PRDM5: variants seen among roughly 807,000 people sequenced by gnomAD.
PRDM5 encodes PR domain zinc finger protein 5.
Under a neutral mutation model 81.2 loss-of-function variants are expected in PRDM5, and 56 were observed. The ratio of observed to expected loss-of-function variants is 0.69; its 90% CI spans 0.56 to 0.86. PRDM5 has a LOEUF of 0.86. PRDM5 is among the 40% of genes least tolerant of loss of function. The pLI is 0.00. For missense variants in PRDM5, 697 were observed against 770.1 expected, an observed-to-expected ratio of 0.91 and a Z score of 1.12; for synonymous variants, 267 against 256.4, an observed-to-expected ratio of 1.04 and a Z score of -0.39.
rs1761592575 is a variant in PRDM5 at position 120,869,877 on chromosome 4, TACTC to T, written c.178-16341_178-16338del. On this transcript the variant is annotated intron_variant, in intron 2 of 15. Coordinates refer to ENST00000264808, the MANE Select transcript of PRDM5 (RefSeq NM_018699.4). ...CTCATGCATCTGAGATCTTGTGAAATACTCAGCCTCAATTAACCCATGCATGAAC... is the reference window on the plus strand; with the variant it reads ...CTCATGCATCTGAGATCTTGTGAAATAGCCTCAATTAACCCATGCATGAAC... 3.3e-5 allele frequency among the ~76,000 whole-genome samples: 5 copies of T among 152,198 alleles called. No homozygotes were observed. In the South Asian group the frequency reaches 1.0e-3, roughly 32 times the overall value.
intron 2 of PRDM5, among the ~76,000 whole-genome samples, chr4:120,900,861 C>A (rs1361837720): frequency 6.6e-6 from 1 of 152,066 alleles, no homozygotes; most frequent in Admixed American, 6.6e-5. Context: ...AGGTAATGCC[C>A]ATACACAATA....
chr4:120,866,018 T>C (rs1761167145), intron 2 of PRDM5, among the ~76,000 whole-genome samples: 1 of 152,230 alleles, frequency 6.6e-6, no homozygotes, highest in African/African-American at 2.4e-5. Flanking sequence ...TCTTTTTCTA[T>C]ATCAACTCAA....
intron 2 of PRDM5, among the ~76,000 whole-genome samples, chr4:120,900,854 T>A (rs1579176961): frequency 6.6e-6 from 1 of 152,244 alleles, no homozygotes; most frequent in East Asian, 1.9e-4. Context: ...ACACAACAGG[T>A]AATGCCCATA....
At chr4:120,743,093 C>A (rs978475675) in intron 14 of PRDM5, among the ~76,000 whole-genome samples, 2 of 151,888 alleles carry the variant, frequency 1.3e-5, no homozygotes, top group African/African-American at 4.9e-5. Context: ...GGCAGAAACC[C>A]TACAAGCCAG....
intron 14 of PRDM5, among the ~76,000 whole-genome samples, chr4:120,720,582 TCTGAAAGTG>T (rs1249193344): frequency 1.3e-5 from 2 of 152,176 alleles, no homozygotes; most frequent in Non-Finnish European, 2.9e-5. Context: ...TGGGCCCCTT[TCTGAAAGTG>T]CATGTGCCAC....
chr4:120,766,883 A>G (rs1250620856), intron 13 of PRDM5, among the ~76,000 whole-genome samples: 3 of 152,238 alleles, frequency 2.0e-5, no homozygotes, highest in Non-Finnish European at 1.5e-5. Flanking sequence ...TTCTCATTCT[A>G]ATTACCAAAC....
At position 120,785,090 on chromosome 4, in the gene PRDM5, G is replaced by C. The variant is rs763221182; in HGVS notation, c.1190C>G (p.Thr397Ser). ...HRNVYKNHKK[T>S]HSEERPFQCE... ...TTGGAACGGTCTCTCCTCAGAGTGGGTCTGCAGAGGAAAAACACTGAGTCA... is the reference window on the plus strand; with the variant it reads ...TTGGAACGGTCTCTCCTCAGAGTGGCTCTGCAGAGGAAAAACACTGAGTCA... Residue 397 changes from threonine to serine, a missense_variant and splice_region_variant, in exon 11 of 16, where the codon ACC becomes AGC. Thr to Ser is a moderately conservative substitution (Grantham distance 58, BLOSUM62 1). Around this residue, in one of 3 missense-constraint regions of PRDM5, gnomAD observed 577 missense variants for 606.7 expected, o/e 0.95. Coordinates refer to ENST00000264808, the MANE Select transcript of PRDM5 (RefSeq NM_018699.4). 6.2e-6 allele frequency: 10 copies of C among 1,604,670 alleles called. No individual in the cohort carries two copies. The highest frequency in any genetic ancestry group is 2.2e-5 in the East Asian group (1 of 44,800).
At chr4:120,877,207 T>C (rs1169406471) in intron 2 of PRDM5, among the ~76,000 whole-genome samples, 5 of 152,206 alleles carry the variant, frequency 3.3e-5, no homozygotes, top group Non-Finnish European at 7.3e-5. Context: ...GCTATATTTT[T>C]ACGGCCTTGA....
At chr4:120,777,379 T>C (rs1407388568) in intron 12 of PRDM5, 98 bp from the exon 13 acceptor site, 1 of 1,551,078 alleles carries the variant, frequency 6.4e-7, no homozygotes, top group African/African-American at 1.4e-5. Flanking sequence ...TTTTGTAGGA[T>C]TACATTTCAT....
intron 11 of PRDM5, 106 bp downstream of exon 11, chr4:120,784,892 A>G (rs992076772): frequency 1.6e-5 from 14 of 900,914 alleles, no homozygotes; most frequent in South Asian, 8.6e-5. Flanking sequence ...GTCAGATTAT[A>G]TAAATACTTA....
At chr4:120,757,652 T>C (rs1744951707) in intron 13 of PRDM5, among the ~76,000 whole-genome samples, 1 of 152,174 alleles carries the variant, frequency 6.6e-6, no homozygotes, top group African/African-American at 2.4e-5. Flanking sequence ...AGGACCCGGA[T>C]AGAACAAAAA....
At chr4:120,706,938 A>G (rs1282234081) in intron 15 of PRDM5, among the ~76,000 whole-genome samples, 1 of 151,892 alleles carries the variant, frequency 6.6e-6, no homozygotes, top group African/African-American at 2.4e-5. Flanking sequence ...AAGCATACCA[A>G]CAAGGAAAAG....
intron 11 of PRDM5, among the ~76,000 whole-genome samples, chr4:120,782,022 C>T (rs972216754): frequency 4.6e-5 from 7 of 151,696 alleles, no homozygotes; most frequent in Admixed American, 3.3e-4. Context: ...AAAGCAACCT[C>T]AGAAAACATA....
chr4:120,793,387 GTATAAT>G (rs1342674224), intron 10 of PRDM5, among the ~76,000 whole-genome samples: 27 of 152,236 alleles, frequency 1.8e-4, no homozygotes, highest in Non-Finnish European at 5.9e-5. Flanking sequence ...ATGGTGAGTT[GTATAAT>G]TATTTCATTA....
intron 14 of PRDM5, among the ~76,000 whole-genome samples, chr4:120,718,254 G>A (rs993566680): frequency 6.6e-6 from 1 of 152,126 alleles, no homozygotes; most frequent in Non-Finnish European, 1.5e-5. Context: ...AAAATTTAGA[G>A]AAGCTTATCA....
intron 3 of PRDM5, among the ~76,000 whole-genome samples, chr4:120,827,715 G>A (rs1488776028): frequency 6.6e-6 from 1 of 151,994 alleles, no homozygotes; most frequent in African/African-American, 2.4e-5. Flanking sequence ...ATCAATCCGT[G>A]GGTAACAGAA....
At chr4:120,717,244 C>T (rs1279742679) in intron 14 of PRDM5, among the ~76,000 whole-genome samples, 1 of 152,148 alleles carries the variant, frequency 6.6e-6, no homozygotes, top group African/African-American at 2.4e-5. Context: ...TTTGTCATCA[C>T]AACTTGGGAA....
At chr4:120,859,294 T>C (rs1343987666) in intron 2 of PRDM5, among the ~76,000 whole-genome samples, 2 of 151,508 alleles carry the variant, frequency 1.3e-5, no homozygotes, top group Non-Finnish European at 2.9e-5. Flanking sequence ...CACTGCAGCC[T>C]CAACTTCCTG....
intron 2 of PRDM5, among the ~76,000 whole-genome samples, chr4:120,856,355 T>C (rs1043218800): frequency 6.6e-6 from 1 of 152,230 alleles, no homozygotes; most frequent in Non-Finnish European, 1.5e-5. Flanking sequence ...ATATTTGAAA[T>C]AACTTTCTTT....
Sources: gnomAD v4.1 joint callset for allele counts (sites outside exome capture counted in the v4.1 genomes callset) on GRCh38, gnomAD v4.1.1 for gene constraint, gnomAD v4.1.1 regional missense constraint, MANE v1.5 for transcripts, NCBI Gene and HGNC (gene_info 2026-07-23, HGNC 2026-07-21) for gene names.